SGSM2: variants seen among roughly 807,000 people sequenced by gnomAD.
The protein encoded by SGSM2 is small G protein signaling modulator 2.
Under a neutral mutation model 126.6 loss-of-function variants are expected in SGSM2, and 89 were observed. The ratio of observed to expected loss-of-function variants is 0.70; its 90% CI spans 0.59 to 0.84. The LOEUF is 0.84. SGSM2 is among the 40% of genes least tolerant of loss of function. The pLI, the probability that SGSM2 is intolerant of heterozygous loss-of-function variation, is 0.00. For synonymous variants in SGSM2, 614 were observed against 574.3 expected (o/e 1.07, Z -0.99); for missense variants, 1,404 against 1,416.6 (o/e 0.99, Z 0.14).
chr17:2,369,389 T>A (rs144893246), intron 12 of SGSM2, among the ~76,000 whole-genome samples: 16 of 152,084 alleles, frequency 1.1e-4, no homozygotes, highest in Admixed American at 3.9e-4. Flanking sequence ...TCACTCGGAG[T>A]CTTAGGGGCT....
chr17:2,371,873 C>T (rs540299094), intron 13 of SGSM2: 6 of 437,388 alleles, frequency 1.4e-5, no homozygotes, highest in Admixed American at 8.0e-5. Context: ...ACCTTTACTT[C>T]GTCTTCCGTT....
chr17:2,345,737 C>T (rs192802204), intron 2 of SGSM2, among the ~76,000 whole-genome samples: 1 of 152,140 alleles, frequency 6.6e-6, no homozygotes, highest in East Asian at 1.9e-4. Context: ...GGTACAGTCA[C>T]GGAGAACAGG....
chr17:2,377,163 C>A, intron 21 of SGSM2, 95 bp downstream of exon 21: 1 of 742,122 alleles, frequency 1.3e-6, no homozygotes, highest in Non-Finnish European at 2.2e-6. Context: ...ACATACTTGA[C>A]ATAGAAACTT....
At position 2,362,247 on chromosome 17, in the gene SGSM2, G is replaced by A; in HGVS notation, c.435G>A (p.Val145=). Residue 145 remains valine, a synonymous_variant, in exon 4 of 24, where the codon GTG becomes GTA. Transcript: ENST00000268989. This position sits in a 1 kb window ranked among gnomAD's most constrained non-coding sequence, Gnocchi z 4.9. ...TCGAGAAAGTTCTGGACAAGGTCGT[G>A]CAATACCTGGCGGAAAACTGCAGGT... ...ALIEKVLDKV[V]QYLAENCSKY... The A allele has an allele frequency of 6.2e-7, 1 of 1,611,838 alleles. No individual in the cohort carries two copies. Among genetic ancestry groups the A allele is most frequent in the Non-Finnish European group, 8.5e-7 (1 of 1,179,314 alleles).
intron 12 of SGSM2, among the ~76,000 whole-genome samples, chr17:2,368,917 C>G (rs2065725296): frequency 6.6e-6 from 1 of 152,278 alleles, no homozygotes; most frequent in Non-Finnish European, 1.5e-5. Context: ...GAGCCCTTGG[C>G]AGACTCGGTG....
rs756726724 is a variant in SGSM2, at chr17:2,372,354, TGCC to T, written c.1658_1660del (p.Arg553del). On this transcript the variant is annotated inframe_deletion, in exon 15 of 24. Transcript: ENST00000268989. The surrounding 1 kb of genome is among the most constrained non-coding windows in gnomAD (Gnocchi z 6.0). The stretch of plus-strand genomic sequence containing the variant: ...GCTGCCCACCGCAGGGCTGGCACAC[TGCC>T]GCCACCTGTCCACGGTGCGGACCCA... 28 of 1,592,702 alleles carry T rather than the reference TGCC, an allele frequency of 1.8e-5. No individual in the cohort carries two copies. Among genetic ancestry groups the T allele is most frequent in the African/African-American group, 8.1e-5 (6 of 74,486 alleles).
chr17:2,357,648 C>T (rs1185384308), intron 2 of SGSM2, among the ~76,000 whole-genome samples: 1 of 152,148 alleles, frequency 6.6e-6, no homozygotes, highest in Non-Finnish European at 1.5e-5. Context: ...CAGGTGCCCA[C>T]CACGACACCC....
rs533768783 is a variant in SGSM2 at position 2,343,764 on chromosome 17, C to T, written c.133+144C>T. On this transcript the variant is annotated intron_variant, in intron 2 of 23. Coordinates refer to ENST00000268989, the MANE Select transcript of SGSM2 (RefSeq NM_014853.3). ...TCAACCTGGAAGCTTTTGAAATCCT[C>T]TTTGGCCCCATTTGCAGACCTACTA... 87 of 680,856 alleles carry T rather than the reference C, an allele frequency of 1.3e-4. No homozygotes were observed. In the African/African-American group the frequency reaches 1.5e-3, roughly 12 times the overall value. 42.2% of individuals were successfully genotyped at this position (680,856 alleles called of 1,614,324 possible). A position where few individuals can be genotyped will look rare whatever the true frequency, so the allele number is the denominator to read the frequency against.
intron 17 of SGSM2, 183 bp from the exon 18 acceptor site, chr17:2,375,303 CTTGTTT>C: frequency 1.6e-6 from 1 of 643,954 alleles, no homozygotes; most frequent in Non-Finnish European, 2.5e-6. Flanking sequence ...TGGCCAGAGG[CTTGTTT>C]CTCTCCGCCT....
chr17:2,367,222 C>T lies in SGSM2; in HGVS notation c.1289-49C>T, dbSNP rs1462680097. On this transcript the variant is annotated intron_variant, in intron 11 of 23. Coordinates refer to ENST00000268989, the MANE Select transcript of SGSM2 (RefSeq NM_014853.3). This position sits in a 1 kb window ranked among gnomAD's most constrained non-coding sequence, Gnocchi z 4.0. ...CCTTAAGGAGGGAGTCCGTCCTGCCCAGGGATGAGGGCCTCATGCCTCTGC... is the reference window on the plus strand; with the variant it reads ...CCTTAAGGAGGGAGTCCGTCCTGCCTAGGGATGAGGGCCTCATGCCTCTGC... The T allele has an allele frequency of 6.3e-7, 1 of 1,580,890 alleles. No homozygotes were observed. The highest frequency in any genetic ancestry group is 1.2e-5 in the South Asian group (1 of 86,164).
chr17:2,368,313 C>T (rs373003136), intron 12 of SGSM2, among the ~76,000 whole-genome samples: 27 of 152,230 alleles, frequency 1.8e-4, no homozygotes, highest in East Asian at 7.7e-4. Flanking sequence ...ATCAGCCAGG[C>T]GACCTGTGAG....
intron 23 of SGSM2, 33 bp downstream of exon 23, chr17:2,379,236 G>T: frequency 6.2e-7 from 1 of 1,611,146 alleles, no homozygotes; most frequent in South Asian, 1.1e-5. Flanking sequence ...AGGCTGCCCT[G>T]AGCAGAGGTG....
At chr17:2,377,779 G>T in intron 21 of SGSM2, 78 bp from the exon 22 acceptor site, 1 of 927,376 alleles carries the variant, frequency 1.1e-6, no homozygotes. Flanking sequence ...ATCCCTGGGC[G>T]TGAGCGGACG....
At position 2,378,433 on chromosome 17, in the gene SGSM2, G is replaced by A. The variant is rs149941070; in HGVS notation, c.2899+480G>A. 9.5e-3 allele frequency among the ~76,000 whole-genome samples: 1,442 copies of A among 151,958 alleles called. 17 individuals carry two copies. Among genetic ancestry groups the A allele is most frequent in the African/African-American group, 0.03 (1,225 of 41,416 alleles). On this transcript the variant is annotated intron_variant, in intron 22 of 23. Transcript: ENST00000268989. ...TCTACTAAAAATACAAAAATCAGCC[G>A]GGCATGGTGGCGGGTGCCTGTAGTG...
rs776424942 is a variant in SGSM2, at chr17:2,375,609, C to CAGCATTCCGTGGAGTTCA, written c.2235_2236insAAGCATTCCGTGGAGTTC (p.Phe745_Asp746insLysHisSerValGluPhe). On this transcript the variant is annotated inframe_insertion, in exon 18 of 24. Transcript: ENST00000268989. ...TCCGGGCACCGCCGTGGTGGAGCAG[C>CAGCATTCCGTGGAGTTCA]AGCATTCCGTGGAGTTCGACTCTCC... 39 of 1,613,902 alleles carry CAGCATTCCGTGGAGTTCA rather than the reference C, an allele frequency of 2.4e-5. No individual in the cohort carries two copies. The South Asian group carries it at 2.6e-4, about 11-fold the overall frequency.
intron 2 of SGSM2, among the ~76,000 whole-genome samples, chr17:2,345,022 T>A (rs146144654): frequency 2.6e-5 from 4 of 152,216 alleles, no homozygotes; most frequent in Non-Finnish European, 4.4e-5. Flanking sequence ...CATGTCCGTT[T>A]GGGAAGGTTT....
intron 2 of SGSM2, among the ~76,000 whole-genome samples, chr17:2,347,741 C>T (rs761786064): frequency 6.6e-6 from 1 of 151,710 alleles, no homozygotes; most frequent in Non-Finnish European, 1.5e-5. Context: ...TCCCAAGTAA[C>T]TGGGATTACA....
At chr17:2,361,391 G>A (rs2065302168) in intron 2 of SGSM2, among the ~76,000 whole-genome samples, 1 of 152,226 alleles carries the variant, frequency 6.6e-6, no homozygotes, top group Non-Finnish European at 1.5e-5. Flanking sequence ...CAGGGGTGAG[G>A]CTGCATATAG....
intron 17 of SGSM2, 95 bp from the exon 18 acceptor site, chr17:2,375,397 A>C: frequency 6.9e-7 from 1 of 1,450,352 alleles, no homozygotes; most frequent in East Asian, 2.3e-5. Context: ...GGGTGTGAAG[A>C]GTTTTGCATT....
Sources: gnomAD v4.1 joint callset for allele counts (sites outside exome capture counted in the v4.1 genomes callset) on GRCh38, gnomAD v4.1.1 for gene constraint, Gnocchi (gnomAD v3.1) non-coding constraint, MANE v1.5 for transcripts, NCBI Gene and HGNC (gene_info 2026-07-23, HGNC 2026-07-21) for gene names.